Variants in PARD6G observed in about 807,000 individuals in gnomAD.
PARD6G encodes the protein partitioning defective 6 homolog gamma.
Under a neutral mutation model 10.7 loss-of-function variants are expected in PARD6G, and 7 were observed. The ratio of observed to expected loss-of-function variants is 0.66; its 90% CI spans 0.37 to 1.23. The LOEUF (loss-of-function observed/expected upper bound fraction) is 1.23, where lower values mean the gene tolerates loss of function less well. PARD6G is among the 50% of genes most tolerant of loss of function. PARD6G has a pLI of 0.02. For missense variants in PARD6G, 548 were observed against 571.8 expected (o/e 0.96, Z 0.42); for synonymous variants, 287 against 269.4 (o/e 1.07, Z -0.64).
intron 2 of PARD6G, among the ~76,000 whole-genome samples, chr18:80,199,769 G>A (rs915024107): frequency 4.6e-5 from 7 of 152,012 alleles, no homozygotes; most frequent in Non-Finnish European, 8.8e-5. Context: ...TCAGCCTCAC[G>A]AGTAGCTGGG....
intron 2 of PARD6G, among the ~76,000 whole-genome samples, chr18:80,193,334 T>G (rs182683000): frequency 8.5e-5 from 13 of 152,336 alleles, no homozygotes; most frequent in African/African-American, 3.1e-4. Flanking sequence ...GGGAAAATTC[T>G]TTCATGCTTT....
rs539647359 is a variant in PARD6G at position 80,234,503 on chromosome 18, A to C, written c.72+12774T>G. Among the ~76,000 whole-genome samples the C allele has an allele frequency of 3.9e-5, 6 of 152,280 alleles. No individual in the cohort carries two copies. The South Asian group carries it at 1.0e-3, about 26-fold the overall frequency. The stretch of plus-strand genomic sequence containing the variant: ...CCTACAACTGCCTCACCCCAAATCC[A>C]GACAGGGGTCACAGTCTCTGTGTAC... On this transcript the variant is annotated intron_variant, in intron 1 of 2. Transcript: ENST00000353265.
chr18:80,200,383 A>G lies in PARD6G; in HGVS notation c.295+2327T>C, dbSNP rs1256489861. On this transcript the variant is annotated intron_variant, in intron 2 of 2. Transcript: ENST00000353265. The surrounding 1 kb of genome is among the most constrained non-coding windows in gnomAD (Gnocchi z 4.4). ...CGAGAGGCAGCTCTGATTTTCCCAA[A>G]GACAGGACCGAGGGGCCAGTGAAGG... Among the ~76,000 whole-genome samples, 1 of 152,216 alleles carries G rather than the reference A, an allele frequency of 6.6e-6. No individual in the cohort carries two copies. Among genetic ancestry groups the G allele is most frequent in the Admixed American group, 6.5e-5 (1 of 15,290 alleles).
At position 80,161,473 on chromosome 18, in the gene PARD6G, G is replaced by A. The variant is rs958393147; in HGVS notation, c.296-867C>T. Among the ~76,000 whole-genome samples the A allele has an allele frequency of 2.6e-5, 4 of 152,090 alleles. No homozygotes were observed. The highest frequency in any genetic ancestry group is 2.9e-5 in the Non-Finnish European group (2 of 68,014). ...AATGAAAGTCCACTGAATTAATCAA[G>A]CAGAAACGTAAGGAGCTTAGTCTAA... On this transcript the variant is annotated intron_variant, in intron 2 of 2. Transcript: ENST00000353265. This position sits in a 1 kb window ranked among gnomAD's most constrained non-coding sequence, Gnocchi z 4.6.
Position 80,183,113 on chromosome 18 carries a change from G to A in PARD6G, c.295+19597C>T, listed in dbSNP as rs1385411832. 3.6e-5 allele frequency: 25 copies of A among 702,872 alleles called. No individual in the cohort carries two copies. Among genetic ancestry groups the A allele is most frequent in the Non-Finnish European group, 5.2e-5 (20 of 385,006 alleles). The allele number at this position is 702,872 out of a possible 1,614,324, so 43.5% of individuals were successfully genotyped here. A position where few individuals can be genotyped will look rare whatever the true frequency, so the allele number is the denominator to read the frequency against. ...GTCCCCCTTTCAAACCAAGATTTGA[G>A]CTGAAGAGTCAGGTTCCTGGTCGCA... is the stretch of plus-strand genomic sequence containing the variant. On this transcript the variant is annotated intron_variant, in intron 2 of 2. Transcript: ENST00000353265. This position sits in a 1 kb window ranked among gnomAD's most constrained non-coding sequence, Gnocchi z 4.5.
At position 80,160,218 on chromosome 18, in the gene PARD6G, C is replaced by A. The variant is rs764756366; in HGVS notation, c.684G>T (p.Thr228=). 1 of 1,613,172 alleles carries A rather than the reference C, an allele frequency of 6.2e-7. No individual in the cohort carries two copies. Among genetic ancestry groups the A allele is most frequent in the Non-Finnish European group, 8.5e-7 (1 of 1,179,842 alleles). ...EVNGIEVAGK[T]LDQVTDMMIA... ...TCATCATGTCCGTGACCTGGTCCAG[C>A]GTCTTCCCGGCCACCTCAATGCCGT... Residue 228 remains threonine (T), a synonymous_variant, in exon 3 of 3, where the codon ACG becomes ACT. Transcript: ENST00000353265.
intron 2 of PARD6G, among the ~76,000 whole-genome samples, chr18:80,164,922 G>A (rs894908773): frequency 2.0e-5 from 3 of 152,216 alleles, no homozygotes; most frequent in African/African-American, 7.2e-5. Context: ...AAGATCACAT[G>A]CTTCTGAGGG....
At chr18:80,211,970 G>A (rs1967113366) in intron 1 of PARD6G, among the ~76,000 whole-genome samples, 1 of 152,134 alleles carries the variant, frequency 6.6e-6, no homozygotes, top group African/African-American at 2.4e-5. Context: ...TTCTGGAAAT[G>A]GGTGATGGCT....
rs542222280 is a variant in PARD6G at position 80,189,748 on chromosome 18, G to A, written c.295+12962C>T. The stretch of plus-strand genomic sequence containing the variant: ...TTCTTTCATCTCCCAGATGAGACCC[G>A]ACCTCTCCTTCCAGAGAGAAGGTCA... On this transcript the variant is annotated intron_variant, in intron 2 of 2. Transcript: ENST00000353265. This position sits in a 1 kb window ranked among gnomAD's most constrained non-coding sequence, Gnocchi z 5.5. 4.6e-5 allele frequency among the ~76,000 whole-genome samples: 7 copies of A among 152,140 alleles called. No homozygotes were observed. The highest frequency in any genetic ancestry group is 3.9e-4 in the East Asian group (2 of 5,162).
chr18:80,201,829 C>T lies in PARD6G; in HGVS notation c.295+881G>A, dbSNP rs1412887448. The stretch of plus-strand genomic sequence containing the variant: ...GGCCTCGTCTGAGAACTCGCCCAGC[C>T]CGCCTCCCACCCAGCACCCTGCTGC... On this transcript the variant is annotated intron_variant, in intron 2 of 2. Coordinates refer to ENST00000353265, the MANE Select transcript of PARD6G (RefSeq NM_032510.4). This position sits in a 1 kb window ranked among gnomAD's most constrained non-coding sequence, Gnocchi z 5.9. 1 of 152,222 alleles carries T rather than the reference C, an allele frequency of 6.6e-6. No homozygotes were observed. The highest frequency in any genetic ancestry group is 2.4e-5 in the African/African-American group (1 of 41,452). The allele number at this position is 152,222 out of a possible 1,614,324, so 9.4% of individuals were successfully genotyped here.
intron 1 of PARD6G, among the ~76,000 whole-genome samples, chr18:80,208,741 A>T (rs1009133106): frequency 1.3e-5 from 2 of 148,726 alleles, no homozygotes; most frequent in African/African-American, 5.0e-5. Context: ...TGTTTATGTT[A>T]AAAAAAAAAA....
chr18:80,200,428 C>T lies in PARD6G; in HGVS notation c.295+2282G>A, dbSNP rs1313751134. 1.3e-5 allele frequency among the ~76,000 whole-genome samples: 2 copies of T among 152,124 alleles called. No homozygotes were observed. The highest frequency in any genetic ancestry group is 1.5e-5 in the Non-Finnish European group (1 of 68,032). Reference sequence around the variant, plus strand: ...TGAAGGGCTTGTCATCAGCAGATGTCGCTGTTAAGCTCTGACAACAACCCC... The same window carrying T: ...TGAAGGGCTTGTCATCAGCAGATGTTGCTGTTAAGCTCTGACAACAACCCC... On this transcript the variant is annotated intron_variant, in intron 2 of 2. Transcript: ENST00000353265. This position sits in a 1 kb window ranked among gnomAD's most constrained non-coding sequence, Gnocchi z 4.4.
chr18:80,159,904 T>G lies in PARD6G; in HGVS notation c.998A>C (p.Gln333Pro). ...CAGGGCCAGGTCCCGCTGCAGCCGC[T>G]GCGCCAGGCCCGCGCCATTGACCCG... ...LSRVNGAGLA[Q>P]RLQRDLALDG... Residue 333 changes from glutamine (Q) to proline (P), a missense_variant, in exon 3 of 3, where the codon CAG (glutamine) becomes CCG (proline). By Grantham distance (76) the Gln-to-Pro change is moderately conservative. Around this residue, in one of 2 missense-constraint regions of PARD6G, gnomAD observed 313 missense variants for 279.9 expected, o/e 1.12. Coordinates refer to ENST00000353265, the MANE Select transcript of PARD6G (RefSeq NM_032510.4). 6.6e-7 allele frequency: 1 copy of G among 1,513,898 alleles called. No individual in the cohort carries two copies. The highest frequency in any genetic ancestry group is 8.8e-7 in the Non-Finnish European group (1 of 1,137,624). The allele number at this position is 1,513,898 out of a possible 1,614,324, so 93.8% of individuals were successfully genotyped here. A position where few individuals can be genotyped will look rare whatever the true frequency, so the allele number is the denominator to read the frequency against.
At position 80,201,414 on chromosome 18, in the gene PARD6G, C is replaced by G. The variant is rs948864773; in HGVS notation, c.295+1296G>C. On this transcript the variant is annotated intron_variant, in intron 2 of 2. Coordinates refer to ENST00000353265, the MANE Select transcript of PARD6G (RefSeq NM_032510.4). The surrounding 1 kb of genome is among the most constrained non-coding windows in gnomAD (Gnocchi z 5.9). ...GTGGCACGCTGGAGGCTGTGCAGAG[C>G]CATGCAGAGACAGCGAGGGTCCTTG... Among the ~76,000 whole-genome samples the G allele has an allele frequency of 1.3e-5, 2 of 152,284 alleles. No homozygotes were observed. The highest frequency in any genetic ancestry group is 1.5e-5 in the Non-Finnish European group (1 of 68,012).
Position 80,246,896 on chromosome 18 carries a change from C to T in PARD6G, c.72+381G>A, listed in dbSNP as rs1476830920. Among the ~76,000 whole-genome samples, 1 of 152,114 alleles carries T rather than the reference C, an allele frequency of 6.6e-6. No individual in the cohort carries two copies. The highest frequency in any genetic ancestry group is 1.5e-5 in the Non-Finnish European group (1 of 67,996). On this transcript the variant is annotated intron_variant, in intron 1 of 2. Transcript: ENST00000353265. The surrounding 1 kb of genome is among the most constrained non-coding windows in gnomAD (Gnocchi z 6.7). ...CCGGGCCCCCAGAGCCCCCCCACGG[C>T]CCCGAATCCGAGCAGCCCCTGGCCC...
chr18:80,207,040 C>A (rs879478147), intron 1 of PARD6G, among the ~76,000 whole-genome samples: 18 of 125,342 alleles, frequency 1.4e-4, no homozygotes, highest in South Asian at 2.8e-4. Context: ...AAGATTCTTC[C>A]GATGTTTATT....
rs187364006 is a variant in PARD6G at position 80,173,142 on chromosome 18, A to G, written c.296-12536T>C. Among the ~76,000 whole-genome samples, 66 of 152,346 alleles carry G rather than the reference A, an allele frequency of 4.3e-4. No homozygotes were observed. The East Asian group carries it at 0.013, about 29-fold the overall frequency. On this transcript the variant is annotated intron_variant, in intron 2 of 2. Transcript: ENST00000353265. ...TGAACAAACCAACTACCCAATGTAG[A>G]AAGTCCTTATTAAGAAATTAAGTAC...
intron 1 of PARD6G, among the ~76,000 whole-genome samples, chr18:80,229,897 G>A (rs1162519384): frequency 6.6e-6 from 1 of 152,234 alleles, no homozygotes; most frequent in African/African-American, 2.4e-5. Context: ...ACAGGACTGT[G>A]TGTGTCTGAG....
chr18:80,160,211 G>T lies in PARD6G; in HGVS notation c.691C>A (p.Gln231Lys). The T allele has an allele frequency of 6.2e-7, 1 of 1,613,204 alleles. No homozygotes were observed. Among genetic ancestry groups the T allele is most frequent in the Non-Finnish European group, 8.5e-7 (1 of 1,179,852 alleles). The part of the protein sequence containing the change: ...GIEVAGKTLD[Q>K]VTDMMIANSH... ...TTGGCGATCATCATGTCCGTGACCT[G>T]GTCCAGCGTCTTCCCGGCCACCTCA... The change falls in exon 3 of 3, where the codon CAG (glutamine) becomes AAG (lysine). Residue 231 changes from glutamine (Q) to lysine (K), a missense_variant. Transcript: ENST00000353265.
Sources: allele counts gnomAD v4.1 joint callset (sites outside exome capture counted in the v4.1 genomes callset), GRCh38; gene constraint gnomAD v4.1.1; regional missense constraint gnomAD v4.1.1; non-coding constraint Gnocchi (gnomAD v3.1); transcripts MANE v1.5; gene names NCBI Gene and HGNC (gene_info 2026-07-23, HGNC 2026-07-21).